TENM3: variants seen among roughly 807,000 people sequenced by gnomAD.
The protein encoded by TENM3 is teneurin-3.
A neutral mutation model predicts 255.1 loss-of-function variants in TENM3; 63 were observed. The observed-to-expected ratio is 0.25, with a 90% CI of 0.20 to 0.30. TENM3 has a LOEUF of 0.30. Among genes scored for constraint, TENM3 ranks in the 10% least tolerant of loss-of-function variants. TENM3 has a pLI of 1.00. For missense variants in TENM3, 2,929 were observed against 3,461.1 expected, an observed-to-expected ratio of 0.85 and a Z score of 3.86; for synonymous variants, 1,306 against 1,322.3, an observed-to-expected ratio of 0.99 and a Z score of 0.27.
At chr4:181,913,202 G>A in the TENM3 span, among the ~76,000 whole-genome samples, 720 of 152,254 alleles carry the variant, frequency 4.7e-3, 6 homozygotes, top group African/African-American at 0.017. Context: ...GTGCACTAAC[G>A]CAGAAGCCGA....
chr4:182,111,185 T>TC, the TENM3 span, among the ~76,000 whole-genome samples: 1 of 134,592 alleles, frequency 7.4e-6, no homozygotes, highest in Admixed American at 7.7e-5. Flanking sequence ...ACAAGTCTTC[T>TC]TCTCTTTTTT....
chr4:182,792,425 C>G lies in TENM3; in HGVS notation c.5753C>G (p.Pro1918Arg). 6.2e-7 allele frequency: 1 copy of G among 1,614,026 alleles called. No individual in the cohort carries two copies. ...IGYYRNIYNP[P>R]ESNASIITDY... ...TACTACCGCAACATATACAACCCCC[C>G]GGAAAGCAACGCCTCCATCATCACG... is the stretch of plus-strand genomic sequence containing the variant. Residue 1918 changes from proline to arginine, a missense_variant, in exon 26 of 28, where the codon CCG (proline) becomes CGG (arginine). Transcript: ENST00000511685. This position sits in a 1 kb window ranked among gnomAD's most constrained non-coding sequence, Gnocchi z 6.3.
chr4:182,627,060 G>A (rs1442906819), intron 4 of TENM3, among the ~76,000 whole-genome samples: 2 of 152,116 alleles, frequency 1.3e-5, no homozygotes, highest in East Asian at 3.9e-4. Context: ...TACCGTATCT[G>A]TAGACCAGCT....
At chr4:181,584,984 A>G in the TENM3 span, among the ~76,000 whole-genome samples, 3 of 145,244 alleles carry the variant, frequency 2.1e-5, no homozygotes, top group African/African-American at 7.7e-5. Context: ...AAGCGATGCA[A>G]CATAAACGTA....
the TENM3 span, among the ~76,000 whole-genome samples, chr4:181,730,245 G>T: frequency 1.3e-4 from 20 of 152,294 alleles, no homozygotes; most frequent in African/African-American, 4.8e-4. Context: ...ATGGCACTTG[G>T]CTCTTTTCCA....
chr4:182,065,306 A>T, the TENM3 span, among the ~76,000 whole-genome samples: 1 of 152,178 alleles, frequency 6.6e-6, no homozygotes, highest in Non-Finnish European at 1.5e-5. Context: ...CAGTGCTGGG[A>T]TTACAGGCGT....
intron 1 of TENM3, among the ~76,000 whole-genome samples, chr4:182,279,214 C>CT (rs1161211401): frequency 6.6e-6 from 1 of 152,096 alleles, no homozygotes; most frequent in Middle Eastern, 3.4e-3. Context: ...ATTTGGTTTC[C>CT]TTTTTTCTGT....
chr4:181,501,173 TTTGGACC>T, the TENM3 span, among the ~76,000 whole-genome samples: 1 of 152,156 alleles, frequency 6.6e-6, no homozygotes, highest in African/African-American at 2.4e-5. Flanking sequence ...TGGCACCACG[TTTGGACC>T]TTGCTGGTGG....
At chr4:181,772,454 A>G in the TENM3 span, among the ~76,000 whole-genome samples, 1 of 152,204 alleles carries the variant, frequency 6.6e-6, no homozygotes, top group Non-Finnish European at 1.5e-5. Flanking sequence ...GGAAAAATTA[A>G]GTGATAGCAC....
chr4:182,034,790 G>T, the TENM3 span, among the ~76,000 whole-genome samples: 9 of 152,278 alleles, frequency 5.9e-5, no homozygotes, highest in African/African-American at 2.2e-4. Flanking sequence ...AGGTGACCTG[G>T]ACTTTCTTTC....
At chr4:182,676,091 T>C (rs1755638902) in intron 7 of TENM3, among the ~76,000 whole-genome samples, 1 of 152,228 alleles carries the variant, frequency 6.6e-6, no homozygotes, top group African/African-American at 2.4e-5. Flanking sequence ...AAATTGAACA[T>C]TTCTCTGTTT....
chr4:182,607,272 T>A (rs1748521033), intron 4 of TENM3, among the ~76,000 whole-genome samples: 1 of 152,184 alleles, frequency 6.6e-6, no homozygotes, highest in Non-Finnish European at 1.5e-5. Flanking sequence ...ACTGAGATAT[T>A]TTTGTCTAAT....
chr4:181,832,938 G>T, the TENM3 span, among the ~76,000 whole-genome samples: 2 of 152,152 alleles, frequency 1.3e-5, no homozygotes, highest in Non-Finnish European at 2.9e-5. Flanking sequence ...TACCAAACTA[G>T]TGGTGGACAC....
chr4:182,036,154 C>T, the TENM3 span, among the ~76,000 whole-genome samples: 14 of 152,180 alleles, frequency 9.2e-5, no homozygotes, highest in East Asian at 2.3e-3. Context: ...TCCTACAGCA[C>T]GTAGTTGTTG....
intron 3 of TENM3, among the ~76,000 whole-genome samples, chr4:182,433,827 T>G (rs765265507): frequency 2.0e-5 from 3 of 152,170 alleles, no homozygotes; most frequent in Non-Finnish European, 4.4e-5. Context: ...AGAGTCATTT[T>G]GATGGCTGGG....
chr4:182,800,743 A>T lies in TENM3; in HGVS notation c.*392A>T. 6.2e-6 allele frequency: 1 copy of T among 161,952 alleles called. No homozygotes were observed. Among genetic ancestry groups the T allele is most frequent in the Non-Finnish European group, 1.4e-5 (1 of 73,472 alleles). 10.0% of individuals were successfully genotyped at this position (161,952 alleles called of 1,614,324 possible). On this transcript the variant is annotated 3_prime_UTR_variant, in exon 28 of 28. Coordinates refer to ENST00000511685, the MANE Select transcript of TENM3 (RefSeq NM_001080477.4). ...TCCCGAATTGTCGACCTTTGCTTAC[A>T]AGAAGTAGTCTGTCTGCATAGGATG...
At chr4:181,896,917 C>T in the TENM3 span, among the ~76,000 whole-genome samples, 9 of 152,264 alleles carry the variant, frequency 5.9e-5, no homozygotes, top group African/African-American at 1.9e-4. Context: ...CAATTTAAAC[C>T]CCAAGATATG....
the TENM3 span, among the ~76,000 whole-genome samples, chr4:181,664,327 G>A: frequency 1.3e-5 from 2 of 151,992 alleles, no homozygotes; most frequent in African/African-American, 2.4e-5. Context: ...CAAATGAGCT[G>A]GGTGTCGTGG....
At chr4:182,715,770 CAG>C (rs1240603819) in intron 13 of TENM3, among the ~76,000 whole-genome samples, 1 of 152,160 alleles carries the variant, frequency 6.6e-6, no homozygotes, top group Admixed American at 6.5e-5. Flanking sequence ...CACACACACA[CAG>C]AGACACACAT....
Sources: gnomAD v4.1 joint callset for allele counts (sites outside exome capture counted in the v4.1 genomes callset) on GRCh38, gnomAD v4.1.1 for gene constraint, Gnocchi (gnomAD v3.1) non-coding constraint, MANE v1.5 for transcripts, NCBI Gene and HGNC (gene_info 2026-07-23, HGNC 2026-07-21) for gene names.